GRID2: variants seen among roughly 807,000 people sequenced by gnomAD.
GRID2 encodes the protein glutamate receptor ionotropic, delta-2.
A neutral mutation model predicts 114.8 loss-of-function variants in GRID2; 33 were observed. That is an observed-to-expected ratio of 0.29 (90% CI 0.22 to 0.38). The LOEUF (loss-of-function observed/expected upper bound fraction) is 0.38, where lower values mean the gene tolerates loss of function less well. Ranked by LOEUF, GRID2 falls within the 10% of genes least tolerant of loss-of-function variation. GRID2 has a pLI of 1.00. For missense variants in GRID2, 1,184 were observed against 1,257.7 expected, an observed-to-expected ratio of 0.94 and a Z score of 0.89; for synonymous variants, 505 against 449.9, an observed-to-expected ratio of 1.12 and a Z score of -1.55.
At position 93,772,264 on chromosome 4, in the gene GRID2, A is replaced by C. The variant is rs1343477623; in HGVS notation, c.2790A>C (p.Thr930=). ...TCAGGAACACTCATATTACCACAAC[A>C]ACCTTTATCCCAGAGCAGATCCAGA... The part of the protein sequence containing the change: ...SDFRNTHITT[T]TFIPEQIQTL... The change falls in exon 16 of 16, where the codon ACA becomes ACC. Residue 930 remains threonine (T), a synonymous_variant. Coordinates refer to ENST00000282020, the MANE Select transcript of GRID2 (RefSeq NM_001510.4). The C allele has an allele frequency of 6.2e-7, 1 of 1,613,960 alleles. No individual in the cohort carries two copies. Among genetic ancestry groups the C allele is most frequent in the African/African-American group, 1.3e-5 (1 of 74,890 alleles).
At chr4:92,452,389 C>A (rs1720973196) in intron 1 of GRID2, among the ~76,000 whole-genome samples, 1 of 151,036 alleles carries the variant, frequency 6.6e-6, no homozygotes. Flanking sequence ...ACGATCTTGG[C>A]TCACTGTAAC....
chr4:92,878,133 G>T (rs1183948923), intron 2 of GRID2, among the ~76,000 whole-genome samples: 2 of 152,100 alleles, frequency 1.3e-5, no homozygotes, highest in Non-Finnish European at 2.9e-5. Flanking sequence ...TTTTCAAGAA[G>T]CAGTTAGATA....
In GRID2 at chr4:92,590,175, C is replaced by G; in HGVS notation, c.133C>G (p.Arg45Gly). 3.7e-6 allele frequency: 6 copies of G among 1,611,454 alleles called. No individual in the cohort carries two copies. The highest frequency in any genetic ancestry group is 5.1e-6 in the Non-Finnish European group (6 of 1,177,806). The stretch of plus-strand genomic sequence containing the variant: ...TGCCAAAAAGGATGATGAGGTATTT[C>G]GCACTGCGGTTGGTGACCTTAACCA... The part of the protein sequence containing the change: ...ESAKKDDEVF[R>G]TAVGDLNQNE... The change falls in exon 2 of 16, where the codon CGC becomes GGC. Residue 45 changes from arginine to glycine, a missense_variant. Coordinates refer to ENST00000282020, the MANE Select transcript of GRID2 (RefSeq NM_001510.4).
chr4:92,604,610 G>A (rs1729369299), intron 2 of GRID2, among the ~76,000 whole-genome samples: 1 of 152,074 alleles, frequency 6.6e-6, no homozygotes, highest in South Asian at 2.1e-4. Flanking sequence ...GGGTTGACAG[G>A]TACAGCAAAC....
intron 2 of GRID2, among the ~76,000 whole-genome samples, chr4:93,046,656 C>T (rs539113539): frequency 2.0e-5 from 3 of 152,006 alleles, no homozygotes; most frequent in African/African-American, 7.2e-5. Flanking sequence ...TGTAAGGAAA[C>T]ACTTCCCCAT....
intron 2 of GRID2, among the ~76,000 whole-genome samples, chr4:92,599,266 C>T (rs754986335): frequency 3.3e-5 from 5 of 151,938 alleles, no homozygotes; most frequent in Non-Finnish European, 7.4e-5. Context: ...TTTGTGTAGG[C>T]TTAATACAAT....
At chr4:93,781,839 G>A (rs1279186275) in intron 1 of GRID2, among the ~76,000 whole-genome samples, 1 of 152,110 alleles carries the variant, frequency 6.6e-6, no homozygotes, top group Non-Finnish European at 1.5e-5. Context: ...ATCCATAGAT[G>A]TGAAACCCAC....
intron 14 of GRID2, among the ~76,000 whole-genome samples, chr4:93,659,779 TC>T (rs986054246): frequency 4.6e-5 from 7 of 152,142 alleles, no homozygotes; most frequent in African/African-American, 1.7e-4. Context: ...AAATTAAGCT[TC>T]ACTGTTAAGA....
At chr4:93,696,995 T>C (rs982269894) in intron 14 of GRID2, among the ~76,000 whole-genome samples, 4 of 152,214 alleles carry the variant, frequency 2.6e-5, no homozygotes, top group Non-Finnish European at 4.4e-5. Flanking sequence ...TAACCCACTC[T>C]ATGTTATTTT....
intron 1 of GRID2, among the ~76,000 whole-genome samples, chr4:92,314,042 A>C (rs1394105266): frequency 6.6e-6 from 1 of 152,144 alleles, no homozygotes; most frequent in Non-Finnish European, 1.5e-5. Context: ...CTTTCAACTT[A>C]TATAATTCCT....
At chr4:93,659,434 C>G (rs1030622618) in intron 14 of GRID2, among the ~76,000 whole-genome samples, 2 of 152,152 alleles carry the variant, frequency 1.3e-5, no homozygotes, top group Admixed American at 6.5e-5. Flanking sequence ...TCCCATACAT[C>G]TTTTGGTTAT....
intron 1 of GRID2, among the ~76,000 whole-genome samples, chr4:92,402,593 A>C (rs1730838473): frequency 6.6e-6 from 1 of 152,206 alleles, no homozygotes; most frequent in African/African-American, 2.4e-5. Flanking sequence ...TTTTAAAGGA[A>C]TCTTGTTTTA....
At chr4:93,136,792 G>C (rs1735294334) in intron 4 of GRID2, among the ~76,000 whole-genome samples, 1 of 152,164 alleles carries the variant, frequency 6.6e-6, no homozygotes, top group African/African-American at 2.4e-5. Context: ...GATTTAAGGT[G>C]ATTCCACAAC....
At chr4:92,698,796 G>GT (rs1333085242) in intron 2 of GRID2, among the ~76,000 whole-genome samples, 1 of 152,048 alleles carries the variant, frequency 6.6e-6, no homozygotes, top group African/African-American at 2.4e-5. Flanking sequence ...AAAGAGAAGT[G>GT]TTTCTTATAT....
intron 4 of GRID2, among the ~76,000 whole-genome samples, chr4:93,147,376 T>TA (rs760612219): frequency 2.6e-5 from 4 of 152,200 alleles, no homozygotes; most frequent in Admixed American, 6.5e-5. Context: ...ACCTACATGA[T>TA]ACTTGACACT....
intron 13 of GRID2, among the ~76,000 whole-genome samples, chr4:93,588,139 G>C (rs1331418230): frequency 6.6e-6 from 1 of 151,966 alleles, no homozygotes; most frequent in African/African-American, 2.4e-5. Context: ...AACTTGTAAA[G>C]TTGTACTTAC....
chr4:92,530,673 G>A (rs768147888), intron 1 of GRID2, among the ~76,000 whole-genome samples: 4 of 150,698 alleles, frequency 2.7e-5, no homozygotes, highest in African/African-American at 7.3e-5. Context: ...AGGCCAAGGC[G>A]GGCAGATCAC....
intron 1 of GRID2, among the ~76,000 whole-genome samples, chr4:93,795,858 TG>T (rs1269534306): frequency 1.3e-5 from 2 of 152,228 alleles, no homozygotes; most frequent in African/African-American, 4.8e-5. Context: ...GTAAATGTAC[TG>T]CAGCTAGTTG....
chr4:93,220,500 T>C (rs1744749945), intron 6 of GRID2, among the ~76,000 whole-genome samples: 1 of 152,180 alleles, frequency 6.6e-6, no homozygotes, highest in East Asian at 1.9e-4. Flanking sequence ...AGTTATAACA[T>C]TTGTGTATAT....
Sources: allele counts gnomAD v4.1 joint callset (sites outside exome capture counted in the v4.1 genomes callset), GRCh38; gene constraint gnomAD v4.1.1; transcripts MANE v1.5; gene names NCBI Gene and HGNC (gene_info 2026-07-23, HGNC 2026-07-21).